SGSM3: variants seen among roughly 807,000 people sequenced by gnomAD.
The protein encoded by SGSM3 is small G protein signaling modulator 3, also known as RUN and SH3 containing 3.
A neutral mutation model predicts 100.5 loss-of-function variants in SGSM3; 96 were observed. That is an observed-to-expected ratio of 0.96 (90% CI 0.81 to 1.13). The LOEUF is 1.13. Among genes scored for constraint, SGSM3 ranks in the 50% most tolerant of loss-of-function variants. The pLI is 0.00. For missense variants in SGSM3, 1,001 were observed against 1,015.8 expected (o/e 0.99, Z 0.20); for synonymous variants, 483 against 422.8 (o/e 1.14, Z -1.75).
intron 7 of SGSM3, among the ~76,000 whole-genome samples, 153 bp from the exon 8 acceptor site, chr22:40,405,496 G>T (rs1325814715): frequency 6.6e-6 from 1 of 152,186 alleles, no homozygotes; most frequent in South Asian, 2.1e-4. Flanking sequence ...TGAAAGTGAG[G>T]CAGGCCAAGG....
rs2050753961 is a variant in SGSM3, at chr22:40,401,490, C to T, written c.8-103C>T. The stretch of plus-strand genomic sequence containing the variant: ...CAAACTCCTGACCTCAGGTGATCTG[C>T]CCACCTCGGCCTCCCAAAGTACTGA... On this transcript the variant is annotated intron_variant, in intron 2 of 21. Transcript: ENST00000248929. The T allele has an allele frequency of 1.5e-5, 12 of 818,280 alleles. No homozygotes were observed. In the Admixed American group the frequency reaches 2.2e-4, roughly 15 times the overall value. The allele number at this position is 818,280 out of a possible 1,614,324, so 50.7% of individuals were successfully genotyped here.
intron 19 of SGSM3, 35 bp downstream of exon 19, chr22:40,409,053 G>C (rs1171357826): frequency 6.4e-7 from 1 of 1,554,384 alleles, no homozygotes. Context: ...GAGAGCCCTG[G>C]AGTGGGGGGA....
At chr22:40,380,989 T>C (rs1601775934) in intron 1 of SGSM3, among the ~76,000 whole-genome samples, 1 of 152,288 alleles carries the variant, frequency 6.6e-6, no homozygotes, top group East Asian at 1.9e-4. Flanking sequence ...TTTTTGTAAA[T>C]TGTATTTTCC....
At position 40,407,799 on chromosome 22, in the gene SGSM3, A is replaced by G. The variant is rs1045830458; in HGVS notation, c.1535A>G (p.Gln512Arg). ...TTTCCTCCTGTGCAGATCGTGTCTC[A>G]GAAGGACGAGCACTGCTGGGTGGGG... is the stretch of plus-strand genomic sequence containing the variant. Reference protein sequence around the residue: ...RKNDIITIVSQKDEHCWVGEL... With the variant: ...RKNDIITIVSRKDEHCWVGEL... The change falls in exon 14 of 22, where the codon CAG (glutamine) becomes CGG (arginine). Residue 512 changes from glutamine (Q) to arginine (R), a missense_variant. Physicochemically the swap from Gln to Arg is conservative, Grantham distance 43 (BLOSUM62 1). Transcript: ENST00000248929. This position sits in a 1 kb window ranked among gnomAD's most constrained non-coding sequence, Gnocchi z 4.7. 9 of 1,613,812 alleles carry G rather than the reference A, an allele frequency of 5.6e-6. No homozygotes were observed. Among genetic ancestry groups the G allele is most frequent in the Non-Finnish European group, 7.6e-6 (9 of 1,179,994 alleles).
At chr22:40,400,901 C>A in intron 2 of SGSM3, 88 bp downstream of exon 2, 1 of 1,298,096 alleles carries the variant, frequency 7.7e-7, no homozygotes, top group Non-Finnish European at 1.0e-6. Context: ...TTCCATAAAA[C>A]ACCATCCAGA....
intron 15 of SGSM3, 24 bp downstream of exon 15, chr22:40,408,144 C>A (rs1031784944): frequency 1.1e-5 from 18 of 1,611,132 alleles, no homozygotes; most frequent in Non-Finnish European, 1.4e-5. Context: ...GCGGGCTAGG[C>A]ACGGCTGGCA....
chr22:40,386,999 A>C (rs2048572696), intron 1 of SGSM3, among the ~76,000 whole-genome samples: 1 of 152,154 alleles, frequency 6.6e-6, no homozygotes, highest in Non-Finnish European at 1.5e-5. Flanking sequence ...ATGTCATCCC[A>C]AGTCAAGATA....
In SGSM3 at chr22:40,405,515, C is replaced by T. The variant is rs2051360119; in HGVS notation, c.619-134C>T. 4 of 928,390 alleles carry T rather than the reference C, an allele frequency of 4.3e-6. No individual in the cohort carries two copies. The Admixed American group carries it at 7.1e-5, about 16-fold the overall frequency. The allele number at this position is 928,390 out of a possible 1,614,324, so 57.5% of individuals were successfully genotyped here. A position where few individuals can be genotyped will look rare whatever the true frequency, so the allele number is the denominator to read the frequency against. ...AGTGAGGCAGGCCAAGGAAAGCAGCCCAGGGAAGGCCTGGGTTCCAGCATG... is the reference window on the plus strand; with the variant it reads ...AGTGAGGCAGGCCAAGGAAAGCAGCTCAGGGAAGGCCTGGGTTCCAGCATG... On this transcript the variant is annotated intron_variant, in intron 7 of 21. Transcript: ENST00000248929.
intron 1 of SGSM3, among the ~76,000 whole-genome samples, chr22:40,377,734 T>C (rs1191025062): frequency 6.6e-6 from 1 of 151,504 alleles, no homozygotes; most frequent in African/African-American, 2.4e-5. Flanking sequence ...TAGTCCCAGC[T>C]ACTTGGGAGG....
rs187343155 is a variant in SGSM3 at position 40,383,430 on chromosome 22, G to A, written c.-112+12742G>A. ...CGCAGTGAGCCGAGATCACGCCACTGCACTCCACCCTTGGCGACAGAGCGA... is the reference window on the plus strand; with the variant it reads ...CGCAGTGAGCCGAGATCACGCCACTACACTCCACCCTTGGCGACAGAGCGA... On this transcript the variant is annotated intron_variant, in intron 1 of 21. Coordinates refer to ENST00000248929, the MANE Select transcript of SGSM3 (RefSeq NM_015705.6). 1.4e-3 allele frequency among the ~76,000 whole-genome samples: 214 copies of A among 148,818 alleles called. 3 individuals carry two copies. The highest frequency in any genetic ancestry group is 0.011 in the Middle Eastern group (3 of 282).
intron 1 of SGSM3, among the ~76,000 whole-genome samples, chr22:40,386,562 CT>C (rs60319316): frequency 0.029 from 1,951 of 68,332 alleles, 60 homozygotes; most frequent in African/African-American, 0.1. Context: ...AATTTTCTTA[CT>C]TTTTTTTTTT....
At chr22:40,373,492 T>G (rs1364115691) in intron 1 of SGSM3, 1 of 152,250 alleles carries the variant, frequency 6.6e-6, no homozygotes, top group East Asian at 1.9e-4. Flanking sequence ...GTATATCATC[T>G]TCTAGACTTA....
Position 40,405,756 on chromosome 22 carries a change from G to A in SGSM3, c.726G>A (p.Leu242=). The A allele has an allele frequency of 6.2e-7, 1 of 1,613,788 alleles. No individual in the cohort carries two copies. The highest frequency in any genetic ancestry group is 8.5e-7 in the Non-Finnish European group (1 of 1,179,992). ...LPASYFSTTL[L]GVQTDQRVLR... is the part of the protein sequence containing the mutation. Reference sequence around the variant, plus strand: ...CCTCCTACTTCAGCACCACCCTGCTGGGTGTCCAGACTGACCAGCGGGTCC... The same window carrying A: ...CCTCCTACTTCAGCACCACCCTGCTAGGTGTCCAGACTGACCAGCGGGTCC... The change falls in exon 8 of 22, where the codon CTG becomes CTA. Residue 242 remains leucine, a synonymous_variant. Transcript: ENST00000248929.
intron 1 of SGSM3, among the ~76,000 whole-genome samples, chr22:40,393,274 C>T (rs1601931106): frequency 6.6e-6 from 1 of 152,188 alleles, no homozygotes; most frequent in Admixed American, 6.5e-5. Flanking sequence ...CGTGCCACCA[C>T]GCCCAGCTAA....
intron 1 of SGSM3, chr22:40,376,462 C>T (rs1416390251): frequency 6.6e-6 from 1 of 152,006 alleles, no homozygotes; most frequent in African/African-American, 2.4e-5. Flanking sequence ...CCTGGCTTTA[C>T]CATTGTAAAC....
At chr22:40,379,830 T>C (rs575847995) in intron 1 of SGSM3, among the ~76,000 whole-genome samples, 52 of 152,168 alleles carry the variant, frequency 3.4e-4, no homozygotes, top group African/African-American at 1.2e-3. Flanking sequence ...CACCTCAGCT[T>C]CCTGAGTAAT....
intron 1 of SGSM3, among the ~76,000 whole-genome samples, chr22:40,386,202 CT>C (rs1197594800): frequency 2.0e-5 from 3 of 152,024 alleles, no homozygotes; most frequent in African/African-American, 4.8e-5. Flanking sequence ...TTAAATGGGG[CT>C]AGATGAGGCA....
At chr22:40,391,161 G>T (rs963277045) in intron 1 of SGSM3, among the ~76,000 whole-genome samples, 2 of 152,178 alleles carry the variant, frequency 1.3e-5, no homozygotes, top group Non-Finnish European at 2.9e-5. Flanking sequence ...TTCTCAAAGT[G>T]TGTTCCCTGG....
chr22:40,406,250 A>G, intron 9 of SGSM3, 27 bp downstream of exon 9: 1 of 1,612,360 alleles, frequency 6.2e-7, no homozygotes, highest in Non-Finnish European at 8.5e-7. Context: ...CTTCAGGCTG[A>G]GGAGTAGGCA....
Sources: gnomAD v4.1 joint callset for allele counts (sites outside exome capture counted in the v4.1 genomes callset) on GRCh38, gnomAD v4.1.1 for gene constraint, Gnocchi (gnomAD v3.1) non-coding constraint, MANE v1.5 for transcripts, NCBI Gene and HGNC (gene_info 2026-07-23, HGNC 2026-07-21) for gene names.